URGCP: variants seen among roughly 807,000 people sequenced by gnomAD.
The protein encoded by URGCP is up-regulator of cell proliferation.
A neutral mutation model predicts 24.6 loss-of-function variants in URGCP; 13 were observed. The ratio of observed to expected loss-of-function variants is 0.53; its 90% CI spans 0.34 to 0.84. The LOEUF (loss-of-function observed/expected upper bound fraction) is 0.84, where lower values mean the gene tolerates loss of function less well. Ranked by LOEUF, URGCP falls within the 40% of genes least tolerant of loss-of-function variation. The probability of loss-of-function intolerance (pLI) is 0.01; values close to 1 mark genes in which losing one functional copy is unlikely to be tolerated. For missense variants in URGCP, 899 were observed against 1,194.3 expected, an observed-to-expected ratio of 0.75 and a Z score of 3.64; for synonymous variants, 444 against 487.2, an observed-to-expected ratio of 0.91 and a Z score of 1.17.
chr7:43,913,392 T>A (rs1248090643), intron 1 of URGCP, among the ~76,000 whole-genome samples: 2 of 151,366 alleles, frequency 1.3e-5, no homozygotes, highest in African/African-American at 4.9e-5. Flanking sequence ...TTTTTATTTT[T>A]TATTTTTAGT....
chr7:43,876,349 G>A lies in URGCP; in HGVS notation c.*318C>T. The A allele has an allele frequency of 3.2e-6, 1 of 307,792 alleles. No homozygotes were observed. The highest frequency in any genetic ancestry group is 6.1e-6 in the Non-Finnish European group (1 of 164,616). The allele number at this position is 307,792 out of a possible 1,614,324, so 19.1% of individuals were successfully genotyped here. A position where few individuals can be genotyped will look rare whatever the true frequency, so the allele number is the denominator to read the frequency against. Reference sequence around the variant, plus strand: ...ACTAAGGACGCTGCTCCCACTCCAGGGGCCAGTGACAGAGAGCAGCTATAC... The same window carrying A: ...ACTAAGGACGCTGCTCCCACTCCAGAGGCCAGTGACAGAGAGCAGCTATAC... On this transcript the variant is annotated 3_prime_UTR_variant, in exon 6 of 6. Transcript: ENST00000453200.
Position 43,881,900 on chromosome 7 carries a change from T to C in URGCP, c.163+7A>G, listed in dbSNP as rs201816413. On this transcript the variant is annotated splice_region_variant and intron_variant, in intron 4 of 5. Coordinates refer to ENST00000453200, the MANE Select transcript of URGCP (RefSeq NM_001077663.3). ...TCCAATCTGTTGCCAAATCCTGTAGTTTCTACCTCCATAACGGAACTCGCA... is the reference window on the plus strand; with the variant it reads ...TCCAATCTGTTGCCAAATCCTGTAGCTTCTACCTCCATAACGGAACTCGCA... 1.7e-5 allele frequency: 28 copies of C among 1,614,080 alleles called. No individual in the cohort carries two copies. The highest frequency in any genetic ancestry group is 2.7e-5 in the African/African-American group (2 of 75,058).
At chr7:43,881,419 G>A (rs1562573835) in intron 5 of URGCP, 19 of 606,354 alleles carry the variant, frequency 3.1e-5, no homozygotes. Flanking sequence ...CAGTGAGTAT[G>A]TTGGGTGGTG....
intron 1 of URGCP, chr7:43,918,788 C>A: frequency 1.0e-6 from 1 of 998,928 alleles, no homozygotes; most frequent in Non-Finnish European, 1.6e-6. Flanking sequence ...AGCATGGTAT[C>A]AGCCCCAAGG....
At chr7:43,884,784 T>C (rs1303058707) in intron 3 of URGCP, among the ~76,000 whole-genome samples, 1 of 152,144 alleles carries the variant, frequency 6.6e-6, no homozygotes, top group African/African-American at 2.4e-5. Flanking sequence ...CAGTGAGCTA[T>C]GATGGCCACC....
At chr7:43,918,805 T>C (rs951974308) in intron 1 of URGCP, 11 of 1,125,708 alleles carry the variant, frequency 9.8e-6, no homozygotes, top group Admixed American at 3.4e-5. Flanking sequence ...AAGGGCACCA[T>C]GGAGGAGTTC....
At chr7:43,919,828 T>C (rs767090124) in intron 1 of URGCP, 40 of 1,272,168 alleles carry the variant, frequency 3.1e-5, no homozygotes, top group Non-Finnish European at 4.5e-5. Context: ...AGTGGGCGCA[T>C]GATGGCCAAC....
intron 1 of URGCP, chr7:43,889,671 A>G (rs1013425848): frequency 6.6e-6 from 1 of 151,958 alleles, no homozygotes; most frequent in Admixed American, 6.6e-5. Context: ...CTCTTAATCT[A>G]CTCCCATTGC....
intron 3 of URGCP, among the ~76,000 whole-genome samples, chr7:43,883,343 TATATATATATATATATA>T (rs1441313248): frequency 1.8e-4 from 18 of 98,524 alleles, no homozygotes; most frequent in African/African-American, 9.3e-4. Context: ...TATACATATA[TATATATATATATATATA>T]TATTTTTTTT....
At chr7:43,881,593 G>A (rs1294194726) in intron 5 of URGCP, 66 bp downstream of exon 5, 2 of 1,610,130 alleles carry the variant, frequency 1.2e-6, no homozygotes, top group Non-Finnish European at 1.7e-6. Flanking sequence ...TCAGGTGTGG[G>A]AACTGCTGGC....
intron 2 of URGCP, 30 bp downstream of exon 2, chr7:43,887,760 T>A: frequency 6.5e-7 from 1 of 1,548,444 alleles, no homozygotes. Flanking sequence ...ACAAATACAG[T>A]CATTCAGAAA....
chr7:43,885,245 C>T (rs117009202), intron 3 of URGCP, among the ~76,000 whole-genome samples: 1,560 of 152,022 alleles, frequency 0.01, 15 homozygotes, highest in South Asian at 0.013. Context: ...AGACTACAGG[C>T]GCCCACCATC....
At chr7:43,881,290 G>A (rs982132496) in intron 5 of URGCP, 50 of 695,736 alleles carry the variant, frequency 7.2e-5, no homozygotes, top group African/African-American at 2.8e-4. Context: ...AAATGAAGGC[G>A]TTGGACCAGA....
chr7:43,882,041 G>A, intron 3 of URGCP, 84 bp from the exon 4 acceptor site: 1 of 1,597,310 alleles, frequency 6.3e-7, no homozygotes, highest in Non-Finnish European at 8.5e-7. Flanking sequence ...GCTCATGCCT[G>A]TAACCCCAGC....
At chr7:43,893,078 A>T (rs1297950736) in intron 1 of URGCP, among the ~76,000 whole-genome samples, 1 of 152,186 alleles carries the variant, frequency 6.6e-6, no homozygotes, top group Non-Finnish European at 1.5e-5. Context: ...CTATAATCCC[A>T]GCACTTTGGG....
chr7:43,911,209 G>A (rs1231142939), upstream of URGCP, among the ~76,000 whole-genome samples: 2 of 150,976 alleles, frequency 1.3e-5, no homozygotes, highest in Non-Finnish European at 3.0e-5. Flanking sequence ...GAGACCAGTA[G>A]GGCCAACATG....
At chr7:43,925,798 C>CTTTTTTTTTTTTT (rs60736722) in intron 1 of URGCP, among the ~76,000 whole-genome samples, 39 of 116,570 alleles carry the variant, frequency 3.3e-4, no homozygotes, top group South Asian at 2.7e-3. Context: ...CCTCGTCTGG[C>CTTTTTTTTTTTTT]TTTTTTTTTT....
chr7:43,919,403 C>T, intron 1 of URGCP: 1 of 871,532 alleles, frequency 1.1e-6, no homozygotes, highest in Non-Finnish European at 2.0e-6. Context: ...TGTCCACCAT[C>T]ATCTCGGCCA....
chr7:43,895,162 A>G (rs1162819585), intron 1 of URGCP, among the ~76,000 whole-genome samples: 2 of 152,236 alleles, frequency 1.3e-5, no homozygotes, highest in Non-Finnish European at 2.9e-5. Flanking sequence ...TTATTCATCC[A>G]ATAAGAACTG....
Sources: gnomAD v4.1 joint callset for allele counts (sites outside exome capture counted in the v4.1 genomes callset) on GRCh38, gnomAD v4.1.1 for gene constraint, MANE v1.5 for transcripts, NCBI Gene and HGNC (gene_info 2026-07-23, HGNC 2026-07-21) for gene names.